RAB11A: variants seen among roughly 807,000 people sequenced by gnomAD.
RAB11A encodes the protein RAB11A, member RAS oncogene family, also known as ras-related protein Rab-11A.
RAB11A carries 9 observed loss-of-function variants against 28.0 expected under a neutral mutation model. The observed-to-expected ratio is 0.32, with a 90% CI of 0.19 to 0.56. The LOEUF is 0.56. Among genes scored for constraint, RAB11A ranks in the 20% least tolerant of loss-of-function variants. The pLI is 0.91. For missense variants in RAB11A, 108 were observed against 269.6 expected (o/e 0.40, Z 4.20); for synonymous variants, 85 against 88.2 (o/e 0.96, Z 0.20).
intron 4 of RAB11A, among the ~76,000 whole-genome samples, chr15:65,883,002 T>C (rs1327059981): frequency 6.6e-6 from 1 of 152,364 alleles, no homozygotes; most frequent in Non-Finnish European, 1.5e-5. Context: ...GCTCTAAATA[T>C]ATACATATTT....
At chr15:65,872,434 C>CTTTT (rs766926004) in intron 1 of RAB11A, among the ~76,000 whole-genome samples, 1 of 136,120 alleles carries the variant, frequency 7.3e-6, no homozygotes, top group Admixed American at 7.4e-5. Flanking sequence ...AGGATTTCTA[C>CTTTT]TTTTTTTTTT....
chr15:65,871,481 G>C (rs967351623), intron 1 of RAB11A, among the ~76,000 whole-genome samples: 23 of 152,186 alleles, frequency 1.5e-4, no homozygotes, highest in African/African-American at 5.1e-4. Flanking sequence ...ATGGTATAAT[G>C]GTAGTGTGCT....
chr15:65,879,830 A>G (rs2078211520), intron 4 of RAB11A, 79 bp downstream of exon 4: 2 of 1,108,432 alleles, frequency 1.8e-6, no homozygotes, highest in African/African-American at 1.6e-5. Context: ...ATCAGTAACT[A>G]AACTATATAT....
intron 1 of RAB11A, among the ~76,000 whole-genome samples, chr15:65,870,451 C>T (rs962850437): frequency 3.3e-5 from 5 of 152,218 alleles, no homozygotes; most frequent in African/African-American, 9.7e-5. Flanking sequence ...TACTTCCCAC[C>T]TAGCCTTTTC....
At chr15:65,871,636 A>G (rs928967345) in intron 1 of RAB11A, among the ~76,000 whole-genome samples, 2 of 152,208 alleles carry the variant, frequency 1.3e-5, no homozygotes, top group African/African-American at 2.4e-5. Context: ...GAATTGGCCT[A>G]AAGTATTTTA....
intron 4 of RAB11A, among the ~76,000 whole-genome samples, chr15:65,887,283 C>T (rs1049101000): frequency 3.3e-5 from 5 of 151,922 alleles, no homozygotes; most frequent in Admixed American, 2.0e-4. Context: ...AAGTGATTCT[C>T]CTGCCTCAGC....
Position 65,871,302 on chromosome 15 carries a change from C to A in RAB11A, c.40+1677C>A, listed in dbSNP as rs548728547. 3.6e-3 allele frequency among the ~76,000 whole-genome samples: 552 copies of A among 152,318 alleles called. 2 individuals carry two copies. The highest frequency in any genetic ancestry group is 6.0e-3 in the Non-Finnish European group (409 of 68,018). The stretch of plus-strand genomic sequence containing the variant: ...TTGGTATCCACCCTCCCCCTCCATA[C>A]TGGAAAGTACTTTCAGGGTACTTAG... On this transcript the variant is annotated intron_variant, in intron 1 of 4. Transcript: ENST00000261890.
rs2078276656 is a variant in RAB11A, at chr15:65,889,736, T to A, written c.*1896T>A. ...ATTTTATTGAAAGTTGGTGGTAGAT[T>A]TTTTACAAAGTAAGGAGAAAAGAGA... On this transcript the variant is annotated 3_prime_UTR_variant, in exon 5 of 5. Transcript: ENST00000261890. 1 of 152,200 alleles carries A rather than the reference T, an allele frequency of 6.6e-6. No individual in the cohort carries two copies. 9.4% of individuals were successfully genotyped at this position (152,200 alleles called of 1,614,324 possible).
intron 4 of RAB11A, among the ~76,000 whole-genome samples, chr15:65,880,180 A>G (rs534880127): frequency 6.6e-6 from 1 of 152,222 alleles, no homozygotes; most frequent in Non-Finnish European, 1.5e-5. Flanking sequence ...TTCTCCCATG[A>G]TACAGAAGAA....
At chr15:65,879,597 C>T in intron 3 of RAB11A, 74 bp from the exon 4 acceptor site, 1 of 1,158,730 alleles carries the variant, frequency 8.6e-7, no homozygotes. Context: ...GTTATTTTTC[C>T]TTTTGAGGGC....
intron 1 of RAB11A, among the ~76,000 whole-genome samples, chr15:65,873,661 C>T (rs1272369520): frequency 6.6e-6 from 1 of 152,020 alleles, no homozygotes; most frequent in African/African-American, 2.4e-5. Flanking sequence ...TCAAGAAATC[C>T]TCCTGCCTCA....
chr15:65,880,620 A>G (rs1005120533), intron 4 of RAB11A, among the ~76,000 whole-genome samples: 2 of 152,162 alleles, frequency 1.3e-5, no homozygotes, highest in African/African-American at 4.8e-5. Context: ...CCCCTGTATT[A>G]GAGATTAACA....
chr15:65,880,949 A>T (rs1391285710), intron 4 of RAB11A, among the ~76,000 whole-genome samples: 1 of 152,194 alleles, frequency 6.6e-6, no homozygotes, highest in Non-Finnish European at 1.5e-5. Context: ...ATGGTCTGTC[A>T]CTGCCCTAGA....
chr15:65,881,063 A>G (rs999765825), intron 4 of RAB11A, among the ~76,000 whole-genome samples: 7 of 152,210 alleles, frequency 4.6e-5, no homozygotes, highest in African/African-American at 9.6e-5. Flanking sequence ...CTGAACGGCA[A>G]TTAAGGCATG....
intron 1 of RAB11A, among the ~76,000 whole-genome samples, 171 bp downstream of exon 1, chr15:65,869,796 G>A (rs1158612154): frequency 1.3e-5 from 2 of 152,132 alleles, no homozygotes; most frequent in Non-Finnish European, 2.9e-5. Flanking sequence ...CGCTCAGACA[G>A]GGGTCCCCAT....
chr15:65,884,720 A>G (rs542237746), intron 4 of RAB11A, among the ~76,000 whole-genome samples: 45 of 151,412 alleles, frequency 3.0e-4, no homozygotes, highest in African/African-American at 1.1e-3. Context: ...TCCACAAGTA[A>G]TTTACATACT....
chr15:65,869,786 C>G (rs947012847), intron 1 of RAB11A, among the ~76,000 whole-genome samples, 161 bp downstream of exon 1: 3 of 152,180 alleles, frequency 2.0e-5, no homozygotes, highest in South Asian at 2.1e-4. Flanking sequence ...TCTTCTCCCC[C>G]GCTCAGACAG....
At chr15:65,873,676 C>T (rs545242745) in intron 1 of RAB11A, among the ~76,000 whole-genome samples, 1 of 152,166 alleles carries the variant, frequency 6.6e-6, no homozygotes, top group African/African-American at 2.4e-5. Context: ...GCCTCAGCCT[C>T]CCAAGTAGCT....
chr15:65,878,029 A>C, intron 3 of RAB11A, 74 bp downstream of exon 3: 1 of 1,336,464 alleles, frequency 7.5e-7, no homozygotes, highest in African/African-American at 1.4e-5. Flanking sequence ...TGAGAGTAAT[A>C]GGTTATAATA....
Sources: gnomAD v4.1 joint callset for allele counts (sites outside exome capture counted in the v4.1 genomes callset) on GRCh38, gnomAD v4.1.1 for gene constraint, MANE v1.5 for transcripts, NCBI Gene and HGNC (gene_info 2026-07-23, HGNC 2026-07-21) for gene names.